Variants in CASZ1 observed in about 807,000 individuals in gnomAD.
CASZ1 encodes the protein zinc finger protein castor homolog 1.
In CASZ1, 28 loss-of-function variants were observed where a neutral mutation model predicts 135.2. The observed-to-expected ratio is 0.21, with a 90% CI of 0.15 to 0.28. The LOEUF (loss-of-function observed/expected upper bound fraction) is 0.28, where lower values mean the gene tolerates loss of function less well. Ranked by LOEUF, CASZ1 falls within the 10% of genes least tolerant of loss-of-function variation. CASZ1 has a pLI of 1.00. For missense variants in CASZ1, 2,161 were observed against 2,453.3 expected (o/e 0.88, Z 2.52); for synonymous variants, 1,068 against 1,073.4 (o/e 0.99, Z 0.10).
Position 10,717,513 on chromosome 1 carries a change from A to G in CASZ1, c.-76-11969T>C, listed in dbSNP as rs1318435863. Among the ~76,000 whole-genome samples, 1 of 152,086 alleles carries G rather than the reference A, an allele frequency of 6.6e-6. No homozygotes were observed. The highest frequency in any genetic ancestry group is 1.5e-5 in the Non-Finnish European group (1 of 68,012). ...CCATCAAATTCCTTATCGCACTGAC[A>G]CAAAGTGCATTTAAAGAGACAGACA... On this transcript the variant is annotated intron_variant, in intron 2 of 20. Transcript: ENST00000377022. The surrounding 1 kb of genome is among the most constrained non-coding windows in gnomAD (Gnocchi z 4.6).
intron 2 of CASZ1, among the ~76,000 whole-genome samples, chr1:10,730,468 A>G (rs559184091): frequency 6.6e-6 from 1 of 152,340 alleles, no homozygotes; most frequent in East Asian, 1.9e-4. Context: ...TTCGAGTCCA[A>G]TGCCTGTCTG....
At chr1:10,693,753 C>A in intron 4 of CASZ1, 121 bp downstream of exon 4, 1 of 757,700 alleles carries the variant, frequency 1.3e-6, no homozygotes, top group Non-Finnish European at 2.3e-6. Context: ...GAGGCAGCCG[C>A]CCGACCCTCC....
Position 10,646,366 on chromosome 1 carries a change from C to T in CASZ1, c.3498-40G>A, listed in dbSNP as rs767340690. The T allele has an allele frequency of 2.5e-6, 4 of 1,595,144 alleles. No homozygotes were observed. Among genetic ancestry groups the T allele is most frequent in the Admixed American group, 1.7e-5 (1 of 59,200 alleles). On this transcript the variant is annotated intron_variant, in intron 16 of 20. Coordinates refer to ENST00000377022, the MANE Select transcript of CASZ1 (RefSeq NM_001079843.3). This position sits in a 1 kb window ranked among gnomAD's most constrained non-coding sequence, Gnocchi z 6.4. ...CAGCCCAGAAGGTCATTGCCATTCT[C>T]AAGCCCTCCCTGCTGGTGTCCTGAC...
At chr1:10,723,373 G>A (rs1639539431) in intron 2 of CASZ1, among the ~76,000 whole-genome samples, 1 of 152,188 alleles carries the variant, frequency 6.6e-6, no homozygotes, top group Non-Finnish European at 1.5e-5. Context: ...GGGGTGTGGG[G>A]GCTCTCACTG....
chr1:10,639,080 G>A lies in CASZ1; in HGVS notation c.5142C>T (p.Asp1714=). Residue 1714 remains aspartate, a synonymous_variant, in exon 21 of 21, where the codon GAC becomes GAT. Transcript: ENST00000377022. This position sits in a 1 kb window ranked among gnomAD's most constrained non-coding sequence, Gnocchi z 4.0. ...GCGACTCCTCCGAGTCGGTGCGCAG[G>A]TCCTCGTCGTCGTCGTCCTCGTCGT... ...EDDDEDDDDE[D]LRTDSEESLP... The A allele has an allele frequency of 2.6e-6, 3 of 1,143,650 alleles. No individual in the cohort carries two copies. The highest frequency in any genetic ancestry group is 2.2e-6 in the Non-Finnish European group (2 of 908,324). The allele number at this position is 1,143,650 out of a possible 1,614,324, so 70.8% of individuals were successfully genotyped here.
At chr1:10,695,252 C>T (rs939243718) in intron 3 of CASZ1, among the ~76,000 whole-genome samples, 1 of 151,974 alleles carries the variant, frequency 6.6e-6, no homozygotes, top group African/African-American at 2.4e-5. Flanking sequence ...CCCAGGAGCG[C>T]CGGCCTGGGA....
chr1:10,677,453 G>C (rs547532714), intron 4 of CASZ1, among the ~76,000 whole-genome samples: 53 of 152,310 alleles, frequency 3.5e-4, no homozygotes, highest in Non-Finnish European at 6.8e-4. Flanking sequence ...ACTGTTTCTA[G>C]AACCTGTGTG....
Position 10,693,904 on chromosome 1 carries a change from T to C in CASZ1, c.-15A>G. 6.2e-7 allele frequency: 1 copy of C among 1,612,986 alleles called. No individual in the cohort carries two copies. The highest frequency in any genetic ancestry group is 1.7e-4 in the Middle Eastern group (1 of 6,060). ...CCAAGATCCATTCTCTTCTCCTTGG[T>C]CCCAAACTCTTCGCAGAACGCCACC... On this transcript the variant is annotated 5_prime_UTR_variant, in exon 4 of 21. Transcript: ENST00000377022.
At chr1:10,674,748 C>G (rs939382785) in intron 4 of CASZ1, among the ~76,000 whole-genome samples, 1 of 152,214 alleles carries the variant, frequency 6.6e-6, no homozygotes, top group African/African-American at 2.4e-5. Context: ...AGTTCAGCCC[C>G]GTGTGGCCCT....
chr1:10,692,660 A>C (rs116326106), intron 4 of CASZ1, among the ~76,000 whole-genome samples: 8,872 of 151,380 alleles, frequency 0.059, 349 homozygotes, highest in Middle Eastern at 0.12. Context: ...TGCAAATGAC[A>C]CCTCCCCCCA....
intron 4 of CASZ1, among the ~76,000 whole-genome samples, chr1:10,671,152 C>T (rs1356358747): frequency 5.3e-5 from 8 of 152,168 alleles, no homozygotes; most frequent in Non-Finnish European, 8.8e-5. Flanking sequence ...CCTCACTTAG[C>T]GTAAGTAACT....
At chr1:10,687,656 A>C (rs1218185425) in intron 4 of CASZ1, among the ~76,000 whole-genome samples, 1 of 152,212 alleles carries the variant, frequency 6.6e-6, no homozygotes, top group African/African-American at 2.4e-5. Context: ...AGGTCTGCTC[A>C]GGAGGAGAGA....
rs1397788424 is a variant in CASZ1 at position 10,656,843 on chromosome 1, G to A, written c.1410-107C>T. The A allele has an allele frequency of 3.2e-5, 23 of 708,828 alleles. 1 individual carries two copies. The highest frequency in any genetic ancestry group is 3.7e-5 in the Non-Finnish European group (15 of 405,498). 43.9% of individuals were successfully genotyped at this position (708,828 alleles called of 1,614,324 possible). A position where few individuals can be genotyped will look rare whatever the true frequency, so the allele number is the denominator to read the frequency against. ...CTCTTCGGGCCCTGTATGGGATGCA[G>A]AGGGGAGGTGAAGTTGCAGAGGCCC... On this transcript the variant is annotated intron_variant, in intron 7 of 20. Coordinates refer to ENST00000377022, the MANE Select transcript of CASZ1 (RefSeq NM_001079843.3).
rs1206326453 is a variant in CASZ1, at chr1:10,726,100, C to T, written c.-76-20556G>A. On this transcript the variant is annotated intron_variant, in intron 2 of 20. Transcript: ENST00000377022. The surrounding 1 kb of genome is among the most constrained non-coding windows in gnomAD (Gnocchi z 5.7). ...TATGGGGCAGGGCCTATACTATCAC[C>T]ACCACCACTACTACCAGTACTACTA... Among the ~76,000 whole-genome samples the T allele has an allele frequency of 6.6e-6, 1 of 152,182 alleles. No homozygotes were observed. Among genetic ancestry groups the T allele is most frequent in the Admixed American group, 6.5e-5 (1 of 15,272 alleles).
At chr1:10,663,134 C>T (rs768297170) in intron 5 of CASZ1, among the ~76,000 whole-genome samples, 4 of 152,292 alleles carry the variant, frequency 2.6e-5, no homozygotes, top group Admixed American at 6.5e-5. Context: ...ACACTTGGGG[C>T]GGCAGGACCC....
chr1:10,760,341 C>A, intron 2 of CASZ1, among the ~76,000 whole-genome samples: 1 of 152,224 alleles, frequency 6.6e-6, no homozygotes, highest in East Asian at 1.9e-4. Flanking sequence ...GGTCCTTGGC[C>A]ACAAAGCCTG....
chr1:10,659,830 G>T lies in CASZ1; in HGVS notation c.1212C>A (p.Pro404=). ...CTGGCCCGGGGGCGCTGGGGGCACT[G>T]GGCACGCTGGCGAGGGGTGCGGGAG... ...SLAPAPLASV[P]SAPSAPGPGP... The change falls in exon 6 of 21, where the codon CCC becomes CCA. Residue 404 remains proline (P), a synonymous_variant. Transcript: ENST00000377022. 6.2e-7 allele frequency: 1 copy of T among 1,613,146 alleles called. No homozygotes were observed. The highest frequency in any genetic ancestry group is 8.5e-7 in the Non-Finnish European group (1 of 1,179,572).
chr1:10,793,474 G>A (rs1216758272), intron 1 of CASZ1, among the ~76,000 whole-genome samples: 1 of 152,000 alleles, frequency 6.6e-6, no homozygotes, highest in African/African-American at 2.4e-5. Context: ...CAAGGCAAGG[G>A]GAAAAAAAGA....
At position 10,654,098 on chromosome 1, in the gene CASZ1, C is replaced by A. The variant is rs372726912; in HGVS notation, c.1959G>T (p.Glu653Asp). Reference sequence around the variant, plus strand: ...TGTACACGCAGCCCTCGTACTTGCACTCCTCGTACTTGTAGAACTTCTTGA... The same window carrying A: ...TGTACACGCAGCCCTCGTACTTGCAATCCTCGTACTTGTAGAACTTCTTGA... Reference protein sequence around the residue: ...DGFKKFYKYEECKYEGCVYSK... With the variant: ...DGFKKFYKYEDCKYEGCVYSK... Residue 653 changes from glutamate (E) to aspartate (D), a missense_variant, in exon 11 of 21, where the codon GAG becomes GAT. Physicochemically the swap from Glu to Asp is conservative, Grantham distance 45. Coordinates refer to ENST00000377022, the MANE Select transcript of CASZ1 (RefSeq NM_001079843.3). The A allele has an allele frequency of 1.2e-6, 2 of 1,614,224 alleles. No homozygotes were observed. Among genetic ancestry groups the A allele is most frequent in the Non-Finnish European group, 1.7e-6 (2 of 1,180,038 alleles).
Sources: gnomAD v4.1 joint callset for allele counts (sites outside exome capture counted in the v4.1 genomes callset) on GRCh38, gnomAD v4.1.1 for gene constraint, Gnocchi (gnomAD v3.1) non-coding constraint, MANE v1.5 for transcripts, NCBI Gene and HGNC (gene_info 2026-07-23, HGNC 2026-07-21) for gene names.